RBFOX1: variants seen among roughly 807,000 people sequenced by gnomAD.
RBFOX1 encodes the protein RNA binding protein fox-1 homolog 1.
In RBFOX1, 8 loss-of-function variants were observed where a neutral mutation model predicts 57.7. The ratio of observed to expected loss-of-function variants is 0.14; its 90% CI spans 0.08 to 0.25. RBFOX1 has a LOEUF of 0.25. RBFOX1 is among the 10% of genes least tolerant of loss of function. The pLI, the probability that RBFOX1 is intolerant of heterozygous loss-of-function variation, is 1.00. For missense variants in RBFOX1, 611 were observed against 548.5 expected (o/e 1.11, Z -1.14); for synonymous variants, 326 against 222.4 (o/e 1.47, Z -4.15).
chr16:6,047,063 G>A (rs143545929), intron 1 of RBFOX1, among the ~76,000 whole-genome samples: 10 of 152,256 alleles, frequency 6.6e-5, no homozygotes, highest in Non-Finnish European at 1.0e-4. Flanking sequence ...ATATATTCTC[G>A]GACCCAAGGA....
At chr16:6,269,177 T>C (rs1165706653) in intron 1 of RBFOX1, among the ~76,000 whole-genome samples, 4 of 152,228 alleles carry the variant, frequency 2.6e-5, no homozygotes, top group African/African-American at 9.6e-5. Context: ...AAAATTATGC[T>C]GTATGCTTAA....
chr16:6,191,644 T>A (rs148878411), intron 1 of RBFOX1, among the ~76,000 whole-genome samples: 1,686 of 152,238 alleles, frequency 0.011, 49 homozygotes, highest in African/African-American at 0.039. Flanking sequence ...ATCTGTAATT[T>A]TTTTGTTGCA....
chr16:7,484,705 C>G (rs2064934849), intron 4 of RBFOX1, among the ~76,000 whole-genome samples: 1 of 152,190 alleles, frequency 6.6e-6, no homozygotes, highest in Non-Finnish European at 1.5e-5. Context: ...CTCAGGTGAT[C>G]CGCTCGCTTC....
intron 1 of RBFOX1, among the ~76,000 whole-genome samples, chr16:5,376,715 C>G (rs886846417): frequency 1.4e-5 from 2 of 147,228 alleles, no homozygotes; most frequent in Admixed American, 1.3e-4. Context: ...TCGTCTTGGT[C>G]TATTCTAGTG....
chr16:6,557,308 C>T (rs780953460), intron 2 of RBFOX1, among the ~76,000 whole-genome samples: 1 of 151,892 alleles, frequency 6.6e-6, no homozygotes, highest in Non-Finnish European at 1.5e-5. Flanking sequence ...AAAGCAGAAT[C>T]TTGCTTTCAC....
chr16:5,440,144 A>T (rs112694987), intron 1 of RBFOX1, among the ~76,000 whole-genome samples: 2 of 152,210 alleles, frequency 1.3e-5, no homozygotes, highest in African/African-American at 2.4e-5. Flanking sequence ...GTATAATAAG[A>T]CCACTTGTAA....
chr16:6,295,719 C>T (rs962857062), intron 1 of RBFOX1, among the ~76,000 whole-genome samples: 6 of 152,194 alleles, frequency 3.9e-5, no homozygotes, highest in East Asian at 1.9e-4. Context: ...TTACCTGCAG[C>T]TGTCCTCTTT....
At chr16:7,532,337 G>C (rs1414260589) in intron 5 of RBFOX1, among the ~76,000 whole-genome samples, 2 of 152,152 alleles carry the variant, frequency 1.3e-5, no homozygotes, top group Non-Finnish European at 2.9e-5. Context: ...GGTGGCGCCA[G>C]CTTCGGGGAG....
intron 4 of RBFOX1, among the ~76,000 whole-genome samples, chr16:7,116,049 G>C (rs1170483808): frequency 1.3e-5 from 2 of 152,032 alleles, no homozygotes; most frequent in Non-Finnish European, 2.9e-5. Context: ...TTTCTCATTT[G>C]GTTTTCATAA....
intron 1 of RBFOX1, among the ~76,000 whole-genome samples, chr16:6,161,337 G>A (rs183577364): frequency 1.2e-4 from 18 of 150,932 alleles, no homozygotes; most frequent in Non-Finnish European, 2.1e-4. Flanking sequence ...TGCAGTGAGC[G>A]AAGATTGTGC....
At chr16:7,250,578 G>A (rs966843987) in intron 4 of RBFOX1, among the ~76,000 whole-genome samples, 1 of 152,216 alleles carries the variant, frequency 6.6e-6, no homozygotes, top group African/African-American at 2.4e-5. Context: ...CAAAGACTAA[G>A]AGTATATACC....
chr16:5,657,026 C>G (rs550663219), intron 3 of RBFOX1, among the ~76,000 whole-genome samples: 2 of 152,220 alleles, frequency 1.3e-5, no homozygotes, highest in East Asian at 1.9e-4. Context: ...GTGCAGCAGA[C>G]CAACATGGCA....
At chr16:7,683,238 C>A (rs1158470447) in intron 14 of RBFOX1, among the ~76,000 whole-genome samples, 2 of 149,528 alleles carry the variant, frequency 1.3e-5, no homozygotes, top group Non-Finnish European at 3.0e-5. Flanking sequence ...TTATGCATGT[C>A]AAGCTCTCAG....
intron 3 of RBFOX1, among the ~76,000 whole-genome samples, chr16:5,814,086 G>A (rs1045652197): frequency 5.9e-5 from 9 of 152,022 alleles, no homozygotes; most frequent in African/African-American, 1.7e-4. Flanking sequence ...CTTCCATCTC[G>A]AAGTTAACTA....
intron 4 of RBFOX1, among the ~76,000 whole-genome samples, chr16:7,476,110 C>G (rs563296934): frequency 4.6e-4 from 70 of 152,222 alleles, no homozygotes; most frequent in South Asian, 2.1e-3. Context: ...GGACCACTAG[C>G]ACACATCACC....
chr16:7,710,856 A>AT lies in RBFOX1; in HGVS notation c.*111_*112insT. 9.6e-7 allele frequency: 1 copy of AT among 1,046,344 alleles called. No homozygotes were observed. Among genetic ancestry groups the AT allele is most frequent in the Non-Finnish European group, 1.3e-6 (1 of 799,680 alleles). The allele number at this position is 1,046,344 out of a possible 1,614,324, so 64.8% of individuals were successfully genotyped here. On this transcript the variant is annotated 3_prime_UTR_variant, in exon 16 of 16. Transcript: ENST00000550418. ...ATTTTAGCAACTCTAAAAAAAAAAA[A>AT]AATACAAATAAAAAGGAAAAAAAAT...
chr16:5,394,603 C>T (rs1343015043), intron 1 of RBFOX1, among the ~76,000 whole-genome samples: 2 of 148,974 alleles, frequency 1.3e-5, no homozygotes, highest in African/African-American at 5.0e-5. Context: ...GCTCTGTTGC[C>T]CAGGCTGGAG....
chr16:6,565,021 A>T (rs1419826229), intron 2 of RBFOX1, among the ~76,000 whole-genome samples: 2 of 151,180 alleles, frequency 1.3e-5, no homozygotes, highest in Non-Finnish European at 2.9e-5. Flanking sequence ...TGCACTTGTA[A>T]TCCTGGGGAG....
At chr16:6,858,031 T>C (rs2058227804) in intron 3 of RBFOX1, among the ~76,000 whole-genome samples, 2 of 152,220 alleles carry the variant, frequency 1.3e-5, no homozygotes, top group South Asian at 4.1e-4. Flanking sequence ...TTTTCTCTTC[T>C]ACTCACAAAT....
Sources: gnomAD v4.1 joint callset for allele counts (sites outside exome capture counted in the v4.1 genomes callset) on GRCh38, gnomAD v4.1.1 for gene constraint, MANE v1.5 for transcripts, NCBI Gene and HGNC (gene_info 2026-07-23, HGNC 2026-07-21) for gene names.